SOS1: variants seen among roughly 807,000 people sequenced by gnomAD.
SOS1 encodes SOS Ras/Rac guanine nucleotide exchange factor 1, also known as son of sevenless homolog 1.
SOS1 carries 25 observed loss-of-function variants against 157.6 expected under a neutral mutation model. That is an observed-to-expected ratio of 0.16 (90% CI 0.12 to 0.22). SOS1 has a LOEUF of 0.22. Among genes scored for constraint, SOS1 ranks in the 10% least tolerant of loss-of-function variants. The pLI, the probability that SOS1 is intolerant of heterozygous loss-of-function variation, is 1.00. For missense variants in SOS1, 1,237 were observed against 1,599.1 expected (o/e 0.77, Z 3.86); for synonymous variants, 528 against 534.0 (o/e 0.99, Z 0.16).
chr2:39,123,167 G>A (rs192511509), upstream of SOS1, among the ~76,000 whole-genome samples: 18 of 151,992 alleles, frequency 1.2e-4, no homozygotes, highest in African/African-American at 4.4e-4. Context: ...CCCTTGGCTG[G>A]TTATAAACAT....
chr2:39,064,260 A>C (rs2148134296), intron 2 of SOS1, among the ~76,000 whole-genome samples: 1 of 152,300 alleles, frequency 6.6e-6, no homozygotes, highest in South Asian at 2.1e-4. Flanking sequence ...CAAATGCATT[A>C]CCTCACATAG....
intron 10 of SOS1, among the ~76,000 whole-genome samples, chr2:39,021,158 C>T (rs1012318756): frequency 2.0e-5 from 3 of 151,488 alleles, no homozygotes; most frequent in Admixed American, 6.6e-5. Context: ...ACTAATAAAA[C>T]ATCATTACAA....
intron 1 of SOS1, among the ~76,000 whole-genome samples, chr2:39,111,277 G>T (rs1352851514): frequency 6.6e-6 from 1 of 151,990 alleles, no homozygotes; most frequent in Non-Finnish European, 1.5e-5. Context: ...ATGAAGGGAT[G>T]GATAGGCATG....
At chr2:39,077,570 T>C (rs1480852585) in intron 1 of SOS1, among the ~76,000 whole-genome samples, 1 of 152,120 alleles carries the variant, frequency 6.6e-6, no homozygotes, top group Non-Finnish European at 1.5e-5. Context: ...GGCAAAAAAC[T>C]ATTTTTCCTG....
rs1484250031 is a variant in SOS1 at position 39,051,159 on chromosome 2, A to C, written c.849T>G (p.Phe283Leu). The stretch of plus-strand genomic sequence containing the variant: ...AAGTACTTACCTCTGCTAAGTCTTC[A>C]AAGCAGCTTCCTACTAGTGGATGGG... ...GSPHPLVGSC[F>L]EDLAEELAFD... Residue 283 changes from phenylalanine to leucine, a missense_variant, in exon 6 of 23, where the codon TTT becomes TTG. Coordinates refer to ENST00000402219, the MANE Select transcript of SOS1 (RefSeq NM_005633.4). The C allele has an allele frequency of 6.2e-7, 1 of 1,613,718 alleles. No homozygotes were observed. The highest frequency in any genetic ancestry group is 8.5e-7 in the Non-Finnish European group (1 of 1,179,782).
chr2:39,043,308 T>A (rs1262111765), intron 6 of SOS1, among the ~76,000 whole-genome samples: 1 of 152,204 alleles, frequency 6.6e-6, no homozygotes, highest in Non-Finnish European at 1.5e-5. Flanking sequence ...GTAAACATCA[T>A]AAGATATATA....
intron 1 of SOS1, among the ~76,000 whole-genome samples, chr2:39,087,052 G>A (rs1333489628): frequency 6.6e-6 from 1 of 152,046 alleles, no homozygotes; most frequent in Non-Finnish European, 1.5e-5. Flanking sequence ...AACCTCAGGT[G>A]ATCCACCCAC....
chr2:39,097,562 T>TC (rs898534601), intron 1 of SOS1, among the ~76,000 whole-genome samples: 41 of 151,646 alleles, frequency 2.7e-4, no homozygotes, highest in African/African-American at 9.9e-4. Flanking sequence ...TTTTTTTCTT[T>TC]TTTTTTTTTT....
chr2:39,060,519 A>G (rs1331968928), intron 2 of SOS1, among the ~76,000 whole-genome samples: 1 of 152,184 alleles, frequency 6.6e-6, no homozygotes, highest in Admixed American at 6.5e-5. Context: ...CACCACTCTC[A>G]GGTTCAAGTG....
chr2:39,119,185 T>C (rs1033699271), intron 1 of SOS1, among the ~76,000 whole-genome samples: 1 of 152,220 alleles, frequency 6.6e-6, no homozygotes, highest in Non-Finnish European at 1.5e-5. Flanking sequence ...GTAAGATATA[T>C]GGCATCTTTT....
upstream of SOS1, among the ~76,000 whole-genome samples, chr2:39,123,419 G>T (rs1420148880): frequency 6.6e-6 from 1 of 151,152 alleles, no homozygotes; most frequent in Non-Finnish European, 1.5e-5. Flanking sequence ...GAATGCAGGC[G>T]GAATCTTGGC....
At chr2:38,996,807 C>T in intron 19 of SOS1, 115 bp downstream of exon 19, 1 of 714,390 alleles carries the variant, frequency 1.4e-6, no homozygotes, top group African/African-American at 1.7e-5. Context: ...TTATTAAGTA[C>T]TTTTTCATTA....
In SOS1 at chr2:39,022,778, C is replaced by T; in HGVS notation, c.1650G>A (p.Leu550=). The change falls in exon 10 of 23, where the codon CTG becomes CTA. Residue 550 remains leucine (L), a synonymous_variant. Coordinates refer to ENST00000402219, the MANE Select transcript of SOS1 (RefSeq NM_005633.4). ...GCATTGTTACATCAAGCATCCTTTCCAGTGTACTCCGGTACTGTAAAGATA... is the reference window on the plus strand; with the variant it reads ...GCATTGTTACATCAAGCATCCTTTCTAGTGTACTCCGGTACTGTAAAGATA... The part of the protein sequence containing the change: ...ALISLQYRST[L]ERMLDVTMLQ... 2 of 1,613,686 alleles carry T rather than the reference C, an allele frequency of 1.2e-6. No homozygotes were observed. Among genetic ancestry groups the T allele is most frequent in the Non-Finnish European group, 1.7e-6 (2 of 1,179,682 alleles).
chr2:39,043,908 TC>T (rs1364637645), intron 6 of SOS1, among the ~76,000 whole-genome samples: 38 of 152,338 alleles, frequency 2.5e-4, no homozygotes, highest in African/African-American at 8.2e-4. Flanking sequence ...CAACACCTGG[TC>T]TATGCCGCAA....
chr2:39,021,629 G>A (rs1264324902), intron 10 of SOS1, among the ~76,000 whole-genome samples: 1 of 150,426 alleles, frequency 6.6e-6, no homozygotes, highest in Non-Finnish European at 1.5e-5. Flanking sequence ...CCAAACAAAA[G>A]TACTTAGGAT....
rs1294953580 is a variant in SOS1 at position 39,079,729 on chromosome 2, G to A, written c.88-11976C>T. ...AGGCTGGTCTCAAACTCCTGACCTCGTGATCTGCCCACCTTGGCCTCCCAA... is the reference window on the plus strand; with the variant it reads ...AGGCTGGTCTCAAACTCCTGACCTCATGATCTGCCCACCTTGGCCTCCCAA... On this transcript the variant is annotated intron_variant, in intron 1 of 22. Coordinates refer to ENST00000402219, the MANE Select transcript of SOS1 (RefSeq NM_005633.4). Among the ~76,000 whole-genome samples, 10 of 152,064 alleles carry A rather than the reference G, an allele frequency of 6.6e-5. No individual in the cohort carries two copies. In the East Asian group the frequency reaches 1.4e-3, roughly 21 times the overall value.
intron 1 of SOS1, among the ~76,000 whole-genome samples, chr2:39,106,913 TTTC>T (rs1333749845): frequency 3.3e-5 from 5 of 151,856 alleles, no homozygotes; most frequent in Non-Finnish European, 7.4e-5. Context: ...CTTGAATTGT[TTTC>T]TTTTGTCTTA....
chr2:39,083,556 G>C (rs1376804632), intron 1 of SOS1, among the ~76,000 whole-genome samples: 2 of 152,204 alleles, frequency 1.3e-5, no homozygotes, highest in African/African-American at 2.4e-5. Context: ...TTGAGGAGTA[G>C]ATGGGAGGAG....
intron 3 of SOS1, 117 bp downstream of exon 3, chr2:39,058,556 A>T: frequency 9.2e-7 from 1 of 1,088,760 alleles, no homozygotes; most frequent in Non-Finnish European, 1.4e-6. Context: ...AAAACTTAGA[A>T]TGAGAGAATT....
Sources: gnomAD v4.1 joint callset for allele counts (sites outside exome capture counted in the v4.1 genomes callset) on GRCh38, gnomAD v4.1.1 for gene constraint, MANE v1.5 for transcripts, NCBI Gene and HGNC (gene_info 2026-07-23, HGNC 2026-07-21) for gene names.